DNAH3: variants seen among roughly 807,000 people sequenced by gnomAD.
DNAH3 encodes the protein dynein axonemal heavy chain 3, also known as axonemal beta dynein heavy chain 3.
A neutral mutation model predicts 432.5 loss-of-function variants in DNAH3; 332 were observed. The ratio of observed to expected loss-of-function variants is 0.77; its 90% confidence interval spans 0.70 to 0.84. DNAH3 has a LOEUF of 0.84. Among genes scored for constraint, DNAH3 ranks in the 40% least tolerant of loss-of-function variants. The pLI is 0.00. For missense variants in DNAH3, 4,861 were observed against 5,114.0 expected (o/e 0.95, Z 1.51); for synonymous variants, 1,956 against 1,900.2 (o/e 1.03, Z -0.76).
chr16:20,982,395 T>C (rs976202211), intron 49 of DNAH3, among the ~76,000 whole-genome samples: 4 of 151,966 alleles, frequency 2.6e-5, no homozygotes, highest in African/African-American at 7.3e-5. Context: ...CAAAAACAAA[T>C]AAACAAACAA....
exon 7 of DNAH3, chr16:21,134,292 A>G: frequency 6.2e-7 from 1 of 1,613,708 alleles, no homozygotes; most frequent in South Asian, 1.1e-5. Flanking sequence ...CCTGAGCATC[A>G]TGGGGTTCAC....
At chr16:20,944,707 A>T (rs2083966735) in intron 57 of DNAH3, 44 bp from the exon 58 acceptor site, 1 of 1,603,500 alleles carries the variant, frequency 6.2e-7, no homozygotes, top group Non-Finnish European at 8.5e-7. Context: ...GGACCCCAGA[A>T]TCCCACAGAT....
At chr16:21,099,026 G>T (rs1191022155) in intron 16 of DNAH3, among the ~76,000 whole-genome samples, 1 of 152,128 alleles carries the variant, frequency 6.6e-6, no homozygotes, top group East Asian at 1.9e-4. Context: ...AACATTTCCA[G>T]ATATTTTCCT....
chr16:21,008,572 G>A (rs1193751537), intron 41 of DNAH3, among the ~76,000 whole-genome samples: 4 of 152,142 alleles, frequency 2.6e-5, no homozygotes, highest in Non-Finnish European at 5.9e-5. Context: ...TGCAAAACCT[G>A]GCGTTTTTTC....
chr16:20,935,231 A>ACCAT (rs2083543658), intron 61 of DNAH3, 117 bp downstream of exon 61: 1 of 1,197,418 alleles, frequency 8.4e-7, no homozygotes, highest in African/African-American at 1.5e-5. Flanking sequence ...CTTCATATGT[A>ACCAT]CCATTTCAGA....
At chr16:20,959,062 C>CT in intron 54 of DNAH3, 117 bp downstream of exon 54, 1 of 1,070,176 alleles carries the variant, frequency 9.3e-7, no homozygotes, top group Non-Finnish European at 1.4e-6. Context: ...GCCACCCTGC[C>CT]TGGCCTAGAC....
intron 7 of DNAH3, among the ~76,000 whole-genome samples, chr16:21,128,539 A>G (rs1273999526): frequency 6.6e-6 from 1 of 151,636 alleles, no homozygotes; most frequent in African/African-American, 2.4e-5. Flanking sequence ...CTAAAAATAC[A>G]AAAAAATTAG....
rs768211806 is a variant in DNAH3, at chr16:21,136,531, C to A, written c.697-18G>T. 1.9e-6 allele frequency: 3 copies of A among 1,612,346 alleles called. No homozygotes were observed. Among genetic ancestry groups the A allele is most frequent in the East Asian group, 4.5e-5 (2 of 44,884 alleles). On this transcript the variant is annotated intron_variant, in intron 5 of 61. Coordinates refer to ENST00000261383, the Ensembl canonical transcript of DNAH3. The stretch of plus-strand genomic sequence containing the variant: ...TAGTATCTCTTCCATAAACAAACCA[C>A]CAGCGAGAAAATGGTCATGATTGGA...
chr16:21,073,552 C>G (rs934510305), intron 21 of DNAH3, among the ~76,000 whole-genome samples: 2 of 152,128 alleles, frequency 1.3e-5, no homozygotes, highest in Non-Finnish European at 2.9e-5. Context: ...TACCCCGAAG[C>G]ATTGCACCTT....
chr16:21,063,274 T>C (rs1190829315), intron 24 of DNAH3, among the ~76,000 whole-genome samples: 2 of 152,068 alleles, frequency 1.3e-5, no homozygotes, highest in Non-Finnish European at 2.9e-5. Context: ...TGATGAAATT[T>C]GTATTTTTTT....
intron 31 of DNAH3, among the ~76,000 whole-genome samples, chr16:21,048,200 C>T (rs920959955): frequency 0.03 from 4,603 of 152,348 alleles, 234 homozygotes; most frequent in African/African-American, 0.099. Context: ...GTGGTGGGCT[C>T]CACCCAGTTC....
intron 31 of DNAH3, among the ~76,000 whole-genome samples, chr16:21,046,351 T>G (rs1310317789): frequency 1.5e-4 from 22 of 150,446 alleles, no homozygotes; most frequent in African/African-American, 5.4e-4. Context: ...TTATGAATCT[T>G]GGTGCTCCTG....
rs181304575 is a variant in DNAH3 at position 21,070,773 on chromosome 16, G to A, written c.3138C>T (p.His1046=). Residue 1046 remains histidine, a synonymous_variant, in exon 22 of 62, where the codon CAC becomes CAT. Transcript: ENST00000261383. ...CACACATGGTCTGGGTCTTTATCAC[G>A]TGATCATCAAGTAGCATTTGAATGT... 306 of 1,613,420 alleles carry A rather than the reference G, an allele frequency of 1.9e-4. 1 individual carries two copies. The East Asian group carries it at 5.7e-3, about 30-fold the overall frequency.
intron 52 of DNAH3, among the ~76,000 whole-genome samples, chr16:20,969,063 C>T (rs920496748): frequency 3.3e-5 from 5 of 151,060 alleles, no homozygotes; most frequent in Admixed American, 2.7e-4. Flanking sequence ...ATGCAAGTCT[C>T]TCCCCATCTG....
intron 36 of DNAH3, among the ~76,000 whole-genome samples, chr16:21,033,146 T>C (rs546243611): frequency 6.6e-6 from 1 of 152,174 alleles, no homozygotes; most frequent in East Asian, 1.9e-4. Flanking sequence ...AATTTGTATC[T>C]AAATTTGAGA....
At chr16:21,110,486 G>C (rs2092044700) in intron 14 of DNAH3, among the ~76,000 whole-genome samples, 2 of 152,188 alleles carry the variant, frequency 1.3e-5, no homozygotes, top group Non-Finnish European at 2.9e-5. Context: ...GAACCTGTTA[G>C]AGAATGGAGC....
intron 18 of DNAH3, among the ~76,000 whole-genome samples, chr16:21,096,444 T>C (rs558067499): frequency 2.0e-4 from 31 of 152,168 alleles, no homozygotes; most frequent in African/African-American, 7.2e-4. Context: ...GGATCTCTGA[T>C]TTTGTCCTCT....
At chr16:20,992,015 T>A (rs969991562) in intron 44 of DNAH3, among the ~76,000 whole-genome samples, 1 of 152,230 alleles carries the variant, frequency 6.6e-6, no homozygotes, top group African/African-American at 2.4e-5. Context: ...TATACAGTGG[T>A]ACATTTCATA....
chr16:21,075,040 C>A (rs548321270), intron 21 of DNAH3, among the ~76,000 whole-genome samples: 2 of 152,320 alleles, frequency 1.3e-5, no homozygotes, highest in African/African-American at 4.8e-5. Context: ...TGAATCAGAA[C>A]CCGCATTTCA....
Sources: allele counts gnomAD v4.1 joint callset (sites outside exome capture counted in the v4.1 genomes callset), GRCh38; gene constraint gnomAD v4.1.1; transcripts MANE v1.5; gene names NCBI Gene and HGNC (gene_info 2026-07-23, HGNC 2026-07-21).